The following CNBD1 variants were observed in gnomAD, a reference collection of about 807,000 sequenced individuals.
The protein encoded by CNBD1 is cyclic nucleotide binding domain containing 1.
A neutral mutation model predicts 54.4 loss-of-function variants in CNBD1; 71 were observed. The ratio of observed to expected loss-of-function variants is 1.30; its 90% CI spans 1.08 to 1.59. CNBD1 has a LOEUF of 1.59. Ranked by LOEUF, CNBD1 falls within the 40% of genes most tolerant of loss-of-function variation. The probability of loss-of-function intolerance (pLI) is 0.00; values close to 1 mark genes in which losing one functional copy is unlikely to be tolerated. For synonymous variants in CNBD1, 182 were observed against 170.7 expected (o/e 1.07, Z -0.51); for missense variants, 659 against 518.0 (o/e 1.27, Z -2.64).
Position 87,136,353 on chromosome 8 carries a change from C to T in CNBD1, c.432-69640C>T, listed in dbSNP as rs192798923. Among the ~76,000 whole-genome samples, 418 of 150,488 alleles carry T rather than the reference C, an allele frequency of 2.8e-3. 3 individuals are homozygous for T. The highest frequency in any genetic ancestry group is 9.7e-3 in the African/African-American group (399 of 41,068). On this transcript the variant is annotated intron_variant, in intron 4 of 10. Coordinates refer to ENST00000518476, the MANE Select transcript of CNBD1 (RefSeq NM_173538.3). The stretch of plus-strand genomic sequence containing the variant: ...AAATGTGGTATGATTCCTTGAATAA[C>T]ACATGTAATTACTTTTAACATCTCA...
At chr8:87,327,687 C>T (rs1809713051) in intron 8 of CNBD1, among the ~76,000 whole-genome samples, 1 of 152,134 alleles carries the variant, frequency 6.6e-6, no homozygotes, top group Non-Finnish European at 1.5e-5. Flanking sequence ...CACCCACTGA[C>T]CTGCGCCCAC....
chr8:87,193,087 G>T (rs2130787339), intron 4 of CNBD1, among the ~76,000 whole-genome samples: 1 of 152,180 alleles, frequency 6.6e-6, no homozygotes, highest in Non-Finnish European at 1.5e-5. Context: ...CTTCCTTCTA[G>T]ATCAGAGATT....
rs542054222 is a variant in CNBD1 at position 87,191,317 on chromosome 8, A to C, written c.432-14676A>C. 3.9e-5 allele frequency among the ~76,000 whole-genome samples: 6 copies of C among 152,236 alleles called. 1 individual carries two copies. Among genetic ancestry groups the C allele is most frequent in the African/African-American group, 9.6e-5 (4 of 41,554 alleles). ...GACAGAGAGAACTAGGGGAATCAGC[A>C]AGCAAAATTATCCCCATTCTTCCAC... On this transcript the variant is annotated intron_variant, in intron 4 of 10. Transcript: ENST00000518476.
chr8:86,936,692 G>A (rs1327030591), intron 3 of CNBD1, among the ~76,000 whole-genome samples: 1 of 146,824 alleles, frequency 6.8e-6, no homozygotes, highest in Non-Finnish European at 1.5e-5. Flanking sequence ...GCAGTGAGCT[G>A]AGATCGTACC....
intron 4 of CNBD1, among the ~76,000 whole-genome samples, chr8:87,038,115 C>T (rs903764152): frequency 6.6e-6 from 1 of 152,128 alleles, no homozygotes; most frequent in African/African-American, 2.4e-5. Flanking sequence ...CTTCTGCTGT[C>T]CAGAGCCTCC....
In CNBD1 at chr8:87,182,849, C is replaced by G. The variant is rs1007736919; in HGVS notation, c.432-23144C>G. Reference sequence around the variant, plus strand: ...TTTCTCCCATTTAGTAGGTTTTCTGCCTATTCAGCTGATAATTTCTTTCTT... The same window carrying G: ...TTTCTCCCATTTAGTAGGTTTTCTGGCTATTCAGCTGATAATTTCTTTCTT... On this transcript the variant is annotated intron_variant, in intron 4 of 10. Coordinates refer to ENST00000518476, the MANE Select transcript of CNBD1 (RefSeq NM_173538.3). The surrounding 1 kb of genome is among the most constrained non-coding windows in gnomAD (Gnocchi z 4.1). Among the ~76,000 whole-genome samples the G allele has an allele frequency of 6.6e-6, 1 of 151,948 alleles. No homozygotes were observed. The highest frequency in any genetic ancestry group is 1.5e-5 in the Non-Finnish European group (1 of 67,928).
intron 4 of CNBD1, among the ~76,000 whole-genome samples, chr8:87,066,611 CT>C (rs1810659761): frequency 2.0e-5 from 3 of 151,764 alleles, no homozygotes; most frequent in Non-Finnish European, 3.0e-5. Flanking sequence ...TGTAGGAAGA[CT>C]TTTTTTAAAC....
At chr8:87,385,623 C>G (rs1488624247), downstream of CNBD1, among the ~76,000 whole-genome samples, 1 of 152,026 alleles carries the variant, frequency 6.6e-6, no homozygotes, top group East Asian at 1.9e-4. Context: ...GGCTGGGAAG[C>G]TGGAACTGGG....
chr8:87,395,906 C>T (rs922128929), intron 2 of CNBD1, among the ~76,000 whole-genome samples: 2 of 151,890 alleles, frequency 1.3e-5, no homozygotes, highest in African/African-American at 4.8e-5. Flanking sequence ...TTTTCTCCTC[C>T]TTCGCTCAGT....
At chr8:87,172,090 A>G (rs1291369482) in intron 4 of CNBD1, among the ~76,000 whole-genome samples, 1 of 151,988 alleles carries the variant, frequency 6.6e-6, no homozygotes, top group Non-Finnish European at 1.5e-5. Context: ...GATTCAATGG[A>G]CATTCAGGAG....
intron 6 of CNBD1, among the ~76,000 whole-genome samples, chr8:87,275,306 G>A (rs1168532133): frequency 2.7e-5 from 4 of 149,428 alleles, no homozygotes; most frequent in Non-Finnish European, 4.4e-5. Context: ...TTCCAATTCT[G>A]TGAAGAAAGT....
intron 6 of CNBD1, among the ~76,000 whole-genome samples, chr8:87,241,953 T>C (rs1255863316): frequency 6.6e-6 from 1 of 152,160 alleles, no homozygotes; most frequent in African/African-American, 2.4e-5. Context: ...CCCAGCCAAC[T>C]GAATAGACCC....
At chr8:87,255,892 TTAAA>T (rs929369444) in intron 6 of CNBD1, among the ~76,000 whole-genome samples, 1 of 139,908 alleles carries the variant, frequency 7.1e-6, no homozygotes, top group African/African-American at 2.6e-5. Context: ...ATATTATGCC[TTAAA>T]TAAAATAAGA....
At chr8:87,062,288 A>C (rs546009624) in intron 4 of CNBD1, among the ~76,000 whole-genome samples, 1 of 152,192 alleles carries the variant, frequency 6.6e-6, no homozygotes, top group Non-Finnish European at 1.5e-5. Context: ...ACAAAAGGAC[A>C]AATCACTGCC....
intron 10 of CNBD1, among the ~76,000 whole-genome samples, chr8:87,357,996 C>A (rs1810455397): frequency 6.6e-6 from 1 of 152,118 alleles, no homozygotes; most frequent in Admixed American, 6.6e-5. Context: ...CTAGCAGCTC[C>A]TTTTCTCTCT....
intron 8 of CNBD1, among the ~76,000 whole-genome samples, chr8:87,316,023 G>A (rs916083230): frequency 2.4e-4 from 37 of 151,700 alleles, no homozygotes; most frequent in African/African-American, 8.7e-4. Flanking sequence ...TCATAAAATA[G>A]GTAAAAAACA....
At chr8:86,896,130 A>G (rs749088937) in intron 2 of CNBD1, among the ~76,000 whole-genome samples, 8 of 152,152 alleles carry the variant, frequency 5.3e-5, no homozygotes, top group Non-Finnish European at 1.2e-4. Flanking sequence ...TAAAATTCAT[A>G]AGGAAACATA....
chr8:87,089,532 G>A (rs542252791), intron 4 of CNBD1, among the ~76,000 whole-genome samples: 2 of 152,164 alleles, frequency 1.3e-5, no homozygotes, highest in South Asian at 4.1e-4. Context: ...ATTTGTTGGG[G>A]ATTAAGAGAC....
intron 4 of CNBD1, among the ~76,000 whole-genome samples, chr8:87,186,222 G>A (rs908581328): frequency 2.0e-5 from 3 of 151,800 alleles, no homozygotes; most frequent in Non-Finnish European, 2.9e-5. Context: ...TTCTTACTTG[G>A]CGTATCTCAT....
Sources: gnomAD v4.1 joint callset for allele counts (sites outside exome capture counted in the v4.1 genomes callset) on GRCh38, gnomAD v4.1.1 for gene constraint, Gnocchi (gnomAD v3.1) non-coding constraint, MANE v1.5 for transcripts, NCBI Gene and HGNC (gene_info 2026-07-23, HGNC 2026-07-21) for gene names.